CDH12: variants seen among roughly 807,000 people sequenced by gnomAD.
The protein encoded by CDH12 is cadherin 12.
In CDH12, 41 loss-of-function variants were observed where a neutral mutation model predicts 74.1. The observed-to-expected ratio is 0.55, with a 90% CI of 0.43 to 0.72. The LOEUF (loss-of-function observed/expected upper bound fraction) is 0.72. CDH12 is among the 30% of genes least tolerant of loss of function. The pLI is 0.00. For synonymous variants in CDH12, 399 were observed against 355.0 expected (o/e 1.12, Z -1.39); for missense variants, 945 against 977.2 (o/e 0.97, Z 0.44).
At chr5:22,055,259 G>A (rs888016313) in intron 5 of CDH12, among the ~76,000 whole-genome samples, 1 of 152,140 alleles carries the variant, frequency 6.6e-6, no homozygotes, top group African/African-American at 2.4e-5. Flanking sequence ...CATGACAGCT[G>A]CAAGCCACCT....
intron 1 of CDH12, among the ~76,000 whole-genome samples, chr5:22,827,317 G>C (rs917461117): frequency 6.6e-6 from 1 of 152,182 alleles, no homozygotes; most frequent in Non-Finnish European, 1.5e-5. Flanking sequence ...GGATGCCCAG[G>C]CATAATAGTA....
At chr5:22,434,578 C>T (rs1420376886) in intron 2 of CDH12, among the ~76,000 whole-genome samples, 4 of 152,092 alleles carry the variant, frequency 2.6e-5, no homozygotes, top group African/African-American at 4.8e-5. Context: ...AATCACCAAC[C>T]GAATCCATCC....
At chr5:22,688,740 G>T (rs1465534217) in intron 1 of CDH12, among the ~76,000 whole-genome samples, 1 of 150,904 alleles carries the variant, frequency 6.6e-6, no homozygotes, top group South Asian at 2.1e-4. Context: ...TTTATATAAA[G>T]CTACAAAAAA....
chr5:22,184,825 A>G (rs1749842358), intron 4 of CDH12, among the ~76,000 whole-genome samples: 6 of 152,304 alleles, frequency 3.9e-5, no homozygotes, highest in Admixed American at 3.9e-4. Context: ...AAGTCACACA[A>G]TGCCTAGTAT....
At chr5:22,673,057 A>T (rs887591625) in intron 1 of CDH12, among the ~76,000 whole-genome samples, 5 of 151,876 alleles carry the variant, frequency 3.3e-5, no homozygotes, top group African/African-American at 1.2e-4. Flanking sequence ...CATATTTAAT[A>T]TACTCCTTGT....
intron 4 of CDH12, among the ~76,000 whole-genome samples, chr5:22,081,671 G>A (rs1742737755): frequency 6.6e-6 from 1 of 152,178 alleles, no homozygotes; most frequent in Non-Finnish European, 1.5e-5. Flanking sequence ...CTCAAGACAA[G>A]TGTCTTTTTA....
intron 8 of CDH12, among the ~76,000 whole-genome samples, chr5:21,838,417 G>T (rs1387298029): frequency 1.3e-5 from 2 of 152,020 alleles, no homozygotes; most frequent in African/African-American, 4.8e-5. Context: ...AAAATTAGCT[G>T]GGTGTAGTGG....
chr5:22,019,090 A>T (rs1737798978), intron 5 of CDH12, among the ~76,000 whole-genome samples: 1 of 151,730 alleles, frequency 6.6e-6, no homozygotes, highest in Non-Finnish European at 1.5e-5. Flanking sequence ...AGAAGGAAAT[A>T]TTTCAATGTT....
chr5:22,219,787 C>T (rs1751947927), intron 3 of CDH12, among the ~76,000 whole-genome samples: 1 of 151,542 alleles, frequency 6.6e-6, no homozygotes, highest in African/African-American at 2.4e-5. Flanking sequence ...TTCACATTTG[C>T]TTGAGTTTTC....
intron 1 of CDH12, among the ~76,000 whole-genome samples, chr5:22,835,239 C>A (rs1736772613): frequency 6.6e-6 from 1 of 151,944 alleles, no homozygotes; most frequent in Non-Finnish European, 1.5e-5. Context: ...TGCTTTTTTA[C>A]AATCTGCTTT....
intron 2 of CDH12, among the ~76,000 whole-genome samples, chr5:22,504,158 AT>A (rs1736288636): frequency 6.6e-6 from 1 of 152,016 alleles, no homozygotes; most frequent in Admixed American, 6.6e-5. Flanking sequence ...AAATTACTAG[AT>A]AAAAGAGATG....
At chr5:22,448,466 T>C (rs980146233) in intron 2 of CDH12, among the ~76,000 whole-genome samples, 27 of 151,964 alleles carry the variant, frequency 1.8e-4, no homozygotes, top group African/African-American at 6.0e-4. Context: ...GACAAAAAGT[T>C]GAGTAGAAAA....
intron 6 of CDH12, among the ~76,000 whole-genome samples, chr5:21,925,496 A>T (rs1754545757): frequency 6.6e-6 from 1 of 152,206 alleles, no homozygotes; most frequent in African/African-American, 2.4e-5. Context: ...TTCTTTGATA[A>T]TGTGTTACCT....
intron 3 of CDH12, among the ~76,000 whole-genome samples, chr5:22,336,834 G>T (rs756210125): frequency 2.0e-5 from 3 of 152,212 alleles, no homozygotes; most frequent in Non-Finnish European, 4.4e-5. Flanking sequence ...TTGGGGCACT[G>T]CCCAGTGGAG....
chr5:22,636,612 GA>G (rs1289626844), intron 1 of CDH12, among the ~76,000 whole-genome samples: 1 of 152,150 alleles, frequency 6.6e-6, no homozygotes, highest in Non-Finnish European at 1.5e-5. Flanking sequence ...AAAATGTCTA[GA>G]ATAGGCAAAT....
At position 22,078,818 on chromosome 5, in the gene CDH12, T is replaced by C. The variant is rs1279101502; in HGVS notation, c.-142A>G. 1.4e-6 allele frequency: 2 copies of C among 1,435,564 alleles called. No homozygotes were observed. The highest frequency in any genetic ancestry group is 2.9e-5 in the African/African-American group (2 of 69,726). 88.9% of individuals were successfully genotyped at this position (1,435,564 alleles called of 1,614,324 possible). Reference sequence around the variant, plus strand: ...AAATGATGATGCAGGCATTAATCCTTTTGATGAAAAGGCTTCTGCTGTATT... The same window carrying C: ...AAATGATGATGCAGGCATTAATCCTCTTGATGAAAAGGCTTCTGCTGTATT... On this transcript the variant is annotated 5_prime_UTR_variant, in exon 5 of 15. Transcript: ENST00000382254.
At chr5:22,675,507 G>A (rs924274699) in intron 1 of CDH12, among the ~76,000 whole-genome samples, 3 of 152,166 alleles carry the variant, frequency 2.0e-5, no homozygotes, top group Admixed American at 6.5e-5. Context: ...AGACAGAAGG[G>A]ACTTGCCTTG....
At chr5:22,271,304 T>C (rs1736389972) in intron 3 of CDH12, among the ~76,000 whole-genome samples, 1 of 152,236 alleles carries the variant, frequency 6.6e-6, no homozygotes, top group Admixed American at 6.5e-5. Flanking sequence ...TTCCTATTTA[T>C]TAAAGCTTTA....
intron 4 of CDH12, among the ~76,000 whole-genome samples, chr5:22,190,398 ATC>A (rs1750208541): frequency 6.8e-6 from 1 of 147,174 alleles, no homozygotes; most frequent in Admixed American, 6.8e-5. Context: ...CTATCTATCT[ATC>A]TATCCTCTAT....
Sources: gnomAD v4.1 joint callset for allele counts (sites outside exome capture counted in the v4.1 genomes callset) on GRCh38, gnomAD v4.1.1 for gene constraint, MANE v1.5 for transcripts, NCBI Gene and HGNC (gene_info 2026-07-23, HGNC 2026-07-21) for gene names.